Variants in KIF13A observed in about 807,000 individuals in gnomAD.
KIF13A encodes the protein kinesin-like protein KIF13A.
Under a neutral mutation model 212.2 loss-of-function variants are expected in KIF13A, and 79 were observed. The ratio of observed to expected loss-of-function variants is 0.37; its 90% confidence interval spans 0.31 to 0.45. The LOEUF is 0.45. Among genes scored for constraint, KIF13A ranks in the 20% least tolerant of loss-of-function variants. The pLI is 1.00. For synonymous variants in KIF13A, 789 were observed against 808.6 expected (o/e 0.98, Z 0.41); for missense variants, 1,901 against 2,209.0 (o/e 0.86, Z 2.79).
At chr6:17,955,802 C>A (rs931273915) in intron 2 of KIF13A, among the ~76,000 whole-genome samples, 3 of 152,136 alleles carry the variant, frequency 2.0e-5, no homozygotes, top group African/African-American at 4.8e-5. Flanking sequence ...AGTTTGTTTC[C>A]ATGCATTAAC....
intron 2 of KIF13A, among the ~76,000 whole-genome samples, chr6:17,970,913 CAAA>C (rs1779756198): frequency 6.6e-6 from 1 of 152,118 alleles, no homozygotes; most frequent in African/African-American, 2.4e-5. Context: ...GTGCAAAAAG[CAAA>C]TAAGAGATTT....
intron 2 of KIF13A, among the ~76,000 whole-genome samples, chr6:17,925,196 G>A (rs1412305166): frequency 6.6e-6 from 1 of 152,228 alleles, no homozygotes; most frequent in Non-Finnish European, 1.5e-5. Context: ...AGACGAAGAT[G>A]TTAGGAAATA....
In KIF13A at chr6:17,838,486, T is replaced by C. The variant is rs2150381968; in HGVS notation, c.831-903A>G. On this transcript the variant is annotated intron_variant, in intron 9 of 38. Coordinates refer to ENST00000259711, the MANE Select transcript of KIF13A (RefSeq NM_022113.6). This position sits in a 1 kb window ranked among gnomAD's most constrained non-coding sequence, Gnocchi z 4.2. ...CAAAACATAATTCCCCAAAGACGAGTCACTGAAAAGTCCCCGAAATATAAT... is the reference window on the plus strand; with the variant it reads ...CAAAACATAATTCCCCAAAGACGAGCCACTGAAAAGTCCCCGAAATATAAT... Among the ~76,000 whole-genome samples, 1 of 151,806 alleles carries C rather than the reference T, an allele frequency of 6.6e-6. No individual in the cohort carries two copies. The highest frequency in any genetic ancestry group is 1.5e-5 in the Non-Finnish European group (1 of 67,936).
chr6:17,950,154 T>A (rs1406233561), intron 2 of KIF13A, among the ~76,000 whole-genome samples: 3 of 152,196 alleles, frequency 2.0e-5, no homozygotes, highest in African/African-American at 7.2e-5. Flanking sequence ...ATCCATGTTA[T>A]TTTGTAAATC....
Position 17,805,487 on chromosome 6 carries a change from T to C in KIF13A, c.2292A>G (p.Glu764=). 2.5e-6 allele frequency: 4 copies of C among 1,613,690 alleles called. No homozygotes were observed. The highest frequency in any genetic ancestry group is 3.4e-6 in the Non-Finnish European group (4 of 1,179,792). Residue 764 remains glutamate, a synonymous_variant, in exon 19 of 39, where the codon GAA becomes GAG. Coordinates refer to ENST00000259711, the MANE Select transcript of KIF13A (RefSeq NM_022113.6). ...TTGTCTCTTTTACCTCAGGAACTTT[T>C]TCCTTCCATTCTTGGTAAAGGTCTC... The part of the protein sequence containing the change: ...DMRDLYQEWK[E]KVPEAKRLYG...
At chr6:17,801,320 T>C (rs971876491) in intron 20 of KIF13A, among the ~76,000 whole-genome samples, 6 of 151,560 alleles carry the variant, frequency 4.0e-5, no homozygotes, top group Admixed American at 1.3e-4. Flanking sequence ...GATGAAACCC[T>C]GTCTCTACTA....
Position 17,906,886 on chromosome 6 carries a change from G to A in KIF13A, c.147-8706C>T, listed in dbSNP as rs138822664. On this transcript the variant is annotated intron_variant, in intron 2 of 38. Transcript: ENST00000259711. ...GGAGGATGACAGACTGGGAGAAAAC[G>A]GCAGAGGTAAGACACTCATGGTCTG... Among the ~76,000 whole-genome samples, 42 of 152,250 alleles carry A rather than the reference G, an allele frequency of 2.8e-4. No homozygotes were observed. In the East Asian group the frequency reaches 8.1e-3, roughly 29 times the overall value.
Position 17,880,621 on chromosome 6 carries a change from C to T in KIF13A, c.160-7184G>A, listed in dbSNP as rs140290071. Among the ~76,000 whole-genome samples the T allele has an allele frequency of 8.3e-3, 937 of 112,272 alleles. 10 individuals carry two copies. The highest frequency in any genetic ancestry group is 0.032 in the African/African-American group (886 of 27,988). 73.7% of individuals were successfully genotyped at this position (112,272 alleles called of 152,430 possible). On this transcript the variant is annotated intron_variant, in intron 3 of 38. Transcript: ENST00000259711. ...CCAGCCCAGGTGACAGGGCGAGACT[C>T]TGTCTCAAAAAAAAAAAAAAAAAAA...
At chr6:17,881,571 C>G (rs372020500) in intron 3 of KIF13A, 6 of 388,674 alleles carry the variant, frequency 1.5e-5, no homozygotes, top group African/African-American at 1.3e-4. Context: ...GCAGTGCACG[C>G]CTGTAATCCC....
At chr6:17,802,452 G>A (rs1017332868) in intron 20 of KIF13A, among the ~76,000 whole-genome samples, 42 of 151,724 alleles carry the variant, frequency 2.8e-4, no homozygotes, top group African/African-American at 5.8e-4. Context: ...CCACCACGCC[G>A]GCTAATTTTG....
Position 17,824,433 on chromosome 6 carries a change from G to C in KIF13A, c.1786+1335C>G, listed in dbSNP as rs145242081. Among the ~76,000 whole-genome samples, 913 of 152,178 alleles carry C rather than the reference G, an allele frequency of 6.0e-3. 12 individuals are homozygous for C. The highest frequency in any genetic ancestry group is 0.02 in the African/African-American group (845 of 41,544). On this transcript the variant is annotated intron_variant, in intron 16 of 38. Coordinates refer to ENST00000259711, the MANE Select transcript of KIF13A (RefSeq NM_022113.6). ...TAGGCTCAAAGAGTAAAGTGAGAAA[G>C]CCAATGTTTAAGGGAAGAGCTCAAC...
intron 2 of KIF13A, among the ~76,000 whole-genome samples, chr6:17,932,681 G>T (rs1368243911): frequency 6.6e-6 from 1 of 152,010 alleles, no homozygotes; most frequent in Non-Finnish European, 1.5e-5. Flanking sequence ...CCACAGCACA[G>T]CACTACTGTA....
intron 2 of KIF13A, among the ~76,000 whole-genome samples, chr6:17,930,534 A>G (rs148350052): frequency 4.3e-4 from 66 of 152,356 alleles, no homozygotes; most frequent in African/African-American, 1.4e-3. Flanking sequence ...TGCATTTGCT[A>G]AAGTTGCCTG....
In KIF13A at chr6:17,855,759, G is replaced by A. The variant is rs1768079372; in HGVS notation, c.314-142C>T. The A allele has an allele frequency of 1.4e-6, 1 of 699,436 alleles. No individual in the cohort carries two copies. The highest frequency in any genetic ancestry group is 1.8e-5 in the African/African-American group (1 of 55,440). The allele number at this position is 699,436 out of a possible 1,614,324, so 43.3% of individuals were successfully genotyped here. A position where few individuals can be genotyped will look rare whatever the true frequency, so the allele number is the denominator to read the frequency against. On this transcript the variant is annotated intron_variant, in intron 5 of 38. Transcript: ENST00000259711. The surrounding 1 kb of genome is among the most constrained non-coding windows in gnomAD (Gnocchi z 4.1). ...CTTAGCCTCAAACCCTGTTGCTCAG[G>A]CTGGAGTGCAGTGGTGTGATCATGG...
chr6:17,966,956 G>T (rs1779382882), intron 2 of KIF13A, among the ~76,000 whole-genome samples: 1 of 152,196 alleles, frequency 6.6e-6, no homozygotes, highest in South Asian at 2.1e-4. Flanking sequence ...GAGGGAACCT[G>T]GACTCCAGAG....
downstream of KIF13A, chr6:17,760,783 G>A: frequency 6.8e-7 from 1 of 1,467,868 alleles, no homozygotes; most frequent in Non-Finnish European, 9.6e-7. Flanking sequence ...TTAGAGATGG[G>A]GCTGGTGCTT....
chr6:17,783,616 TA>T lies in KIF13A; in HGVS notation c.3544+29del. 1 of 1,412,160 alleles carries T rather than the reference TA, an allele frequency of 7.1e-7. No homozygotes were observed. Among genetic ancestry groups the T allele is most frequent in the Non-Finnish European group, 9.8e-7 (1 of 1,015,492 alleles). The allele number at this position is 1,412,160 out of a possible 1,614,324, so 87.5% of individuals were successfully genotyped here. Reference sequence around the variant, plus strand: ...GATTACAAACCTTAGTTAAATACAATAATCCCTGTGACTTTAAGTGTCTACT... The same window carrying T: ...GATTACAAACCTTAGTTAAATACAATATCCCTGTGACTTTAAGTGTCTACT... On this transcript the variant is annotated intron_variant, in intron 29 of 38. Coordinates refer to ENST00000259711, the MANE Select transcript of KIF13A (RefSeq NM_022113.6). This position sits in a 1 kb window ranked among gnomAD's most constrained non-coding sequence, Gnocchi z 4.3.
intron 4 of KIF13A, among the ~76,000 whole-genome samples, chr6:17,858,352 G>A (rs1768364405): frequency 6.6e-6 from 1 of 152,124 alleles, no homozygotes. Context: ...GTTGTGAAGA[G>A]TACCTTAAGA....
Position 17,763,783 on chromosome 6 carries a change from G to C in KIF13A, c.*327C>G, listed in dbSNP as rs1280947215. ...TAATAATCAAAGGAATCACAGATTTGATGAAATATGGTAGATGCTACCAGA... is the reference window on the plus strand; with the variant it reads ...TAATAATCAAAGGAATCACAGATTTCATGAAATATGGTAGATGCTACCAGA... On this transcript the variant is annotated 3_prime_UTR_variant, in exon 39 of 39. Coordinates refer to ENST00000259711, the MANE Select transcript of KIF13A (RefSeq NM_022113.6). 1 of 1,045,648 alleles carries C rather than the reference G, an allele frequency of 9.6e-7. No individual in the cohort carries two copies. Among genetic ancestry groups the C allele is most frequent in the South Asian group, 3.4e-5 (1 of 29,170 alleles). The allele number at this position is 1,045,648 out of a possible 1,614,324, so 64.8% of individuals were successfully genotyped here. A position where few individuals can be genotyped will look rare whatever the true frequency, so the allele number is the denominator to read the frequency against.
Sources: gnomAD v4.1 joint callset for allele counts (sites outside exome capture counted in the v4.1 genomes callset) on GRCh38, gnomAD v4.1.1 for gene constraint, Gnocchi (gnomAD v3.1) non-coding constraint, MANE v1.5 for transcripts, NCBI Gene and HGNC (gene_info 2026-07-23, HGNC 2026-07-21) for gene names.